Variants in PSMG2 observed in about 807,000 individuals in gnomAD.
PSMG2 encodes proteasome assembly chaperone 2, also known as CD40 ligand-activated specific transcript 3.
A neutral mutation model predicts 31.5 loss-of-function variants in PSMG2; 21 were observed. That is an observed-to-expected ratio of 0.67 (90% CI 0.47 to 0.96). The LOEUF is 0.96. Ranked by LOEUF, PSMG2 falls within the 40% of genes least tolerant of loss-of-function variation. The probability of loss-of-function intolerance (pLI) is 0.00; values close to 1 mark genes in which losing one functional copy is unlikely to be tolerated. For missense variants in PSMG2, 318 were observed against 321.2 expected (o/e 0.99, Z 0.08); for synonymous variants, 120 against 110.4 (o/e 1.09, Z -0.54).
At chr18:12,673,605 C>G in intron 1 of PSMG2, 2 of 921,320 alleles carry the variant, frequency 2.2e-6, no homozygotes, top group Non-Finnish European at 3.2e-6. Context: ...TCAGGCTAGG[C>G]GTGGTGGCTC....
rs755077259 is a variant in PSMG2 at position 12,724,683 on chromosome 18, A to G, written c.702+64A>G. 6 of 1,450,700 alleles carry G rather than the reference A, an allele frequency of 4.1e-6. No homozygotes were observed. The African/African-American group carries it at 5.8e-5, about 14-fold the overall frequency. The allele number at this position is 1,450,700 out of a possible 1,614,324, so 89.9% of individuals were successfully genotyped here. A position where few individuals can be genotyped will look rare whatever the true frequency, so the allele number is the denominator to read the frequency against. On this transcript the variant is annotated intron_variant, in intron 6 of 6. Transcript: ENST00000317615. ...TTGTATTCATTAACTCGCACTTTAT[A>G]TACTACCTAAGTAGACCAAGTAAGT...
At chr18:12,666,951 T>C (rs1374553350) in intron 1 of PSMG2, among the ~76,000 whole-genome samples, 1 of 152,080 alleles carries the variant, frequency 6.6e-6, no homozygotes, top group African/African-American at 2.4e-5. Flanking sequence ...AAATTAAAAA[T>C]TCCATATATT....
intron 1 of PSMG2, chr18:12,697,313 T>C: frequency 6.2e-7 from 1 of 1,613,990 alleles, no homozygotes; most frequent in East Asian, 2.2e-5. Flanking sequence ...GCTACTAAAG[T>C]CGTCTCACCA....
At chr18:12,721,283 G>A (rs1293093846) in intron 5 of PSMG2, among the ~76,000 whole-genome samples, 1 of 152,192 alleles carries the variant, frequency 6.6e-6, no homozygotes, top group Non-Finnish European at 1.5e-5. Context: ...TTTCTCAAAA[G>A]CCATATTTAA....
At chr18:12,712,847 C>A in intron 3 of PSMG2, 87 bp downstream of exon 3, 1 of 999,540 alleles carries the variant, frequency 1.0e-6, no homozygotes, top group Non-Finnish European at 1.6e-6. Flanking sequence ...AAAATTACTA[C>A]TGTTTTTACC....
upstream of PSMG2, chr18:12,700,954 T>A: frequency 6.2e-7 from 1 of 1,610,058 alleles, no homozygotes; most frequent in African/African-American, 1.3e-5. Context: ...AAAAGATTAC[T>A]CACAGTAACA....
upstream of PSMG2, among the ~76,000 whole-genome samples, chr18:12,701,944 C>T (rs1325740394): frequency 1.3e-5 from 2 of 152,046 alleles, no homozygotes; most frequent in Admixed American, 6.6e-5. Context: ...GCCACACCAA[C>T]ATGGTGAAAC....
chr18:12,696,605 T>C (rs2039966610), intron 1 of PSMG2, among the ~76,000 whole-genome samples: 1 of 152,208 alleles, frequency 6.6e-6, no homozygotes, highest in Non-Finnish European at 1.5e-5. Context: ...AATTCCATTA[T>C]ATGTTATAGA....
intron 6 of PSMG2, 86 bp downstream of exon 6, chr18:12,724,705 A>G: frequency 7.9e-7 from 1 of 1,266,074 alleles, no homozygotes; most frequent in East Asian, 2.8e-5. Context: ...TAGACCAAGT[A>G]AGTGAACGTT....
At chr18:12,695,871 CA>C (rs2039938065) in intron 1 of PSMG2, among the ~76,000 whole-genome samples, 1 of 151,966 alleles carries the variant, frequency 6.6e-6, no homozygotes, top group Non-Finnish European at 1.5e-5. Flanking sequence ...CACACACACA[CA>C]CACACACACA....
intron 1 of PSMG2, among the ~76,000 whole-genome samples, chr18:12,695,620 AGGTTGGTCT>A (rs2039928078): frequency 6.6e-6 from 1 of 151,986 alleles, no homozygotes; most frequent in African/African-American, 2.4e-5. Context: ...TATGTTATTC[AGGTTGGTCT>A]TAAACTCCAG....
exon 1 of PSMG2, chr18:12,658,740 G>A (rs1190323073): frequency 2.3e-5 from 9 of 399,634 alleles, no homozygotes; most frequent in Non-Finnish European, 4.2e-5. Context: ...TTTCTTGCTG[G>A]TTGAATACCT....
intron 1 of PSMG2, among the ~76,000 whole-genome samples, chr18:12,673,890 T>C (rs2039023125): frequency 6.6e-6 from 1 of 151,826 alleles, no homozygotes; most frequent in Non-Finnish European, 1.5e-5. Context: ...CAAAAATAAA[T>C]AAATAAAATA....
intron 1 of PSMG2, among the ~76,000 whole-genome samples, chr18:12,667,976 T>G (rs1338957911): frequency 6.7e-6 from 1 of 149,886 alleles, no homozygotes; most frequent in East Asian, 2.0e-4. Flanking sequence ...ACATTAAATG[T>G]GAATGGGGCT....
rs767633121 is a variant in PSMG2, at chr18:12,720,038, A to ATTTATTT, written c.408-458_408-452dup. Among the ~76,000 whole-genome samples, 4 of 149,928 alleles carry ATTTATTT rather than the reference A, an allele frequency of 2.7e-5. No homozygotes were observed. The East Asian group carries it at 8.0e-4, about 30-fold the overall frequency. On this transcript the variant is annotated intron_variant, in intron 4 of 6. Coordinates refer to ENST00000317615, the MANE Select transcript of PSMG2 (RefSeq NM_020232.5). ...GGCCCCAAGATGTAGCATTTAGATCATTTATTTTTTATTTTTTATTCTTTT... is the reference window on the plus strand; with the variant it reads ...GGCCCCAAGATGTAGCATTTAGATCATTTATTTTTTATTTTTTATTTTTTATTCTTTT...
rs548651226 is a variant in PSMG2, at chr18:12,669,562, T to C, written c.-37+10789T>C. Among the ~76,000 whole-genome samples, 15 of 152,280 alleles carry C rather than the reference T, an allele frequency of 9.9e-5. No homozygotes were observed. In the East Asian group the frequency reaches 1.9e-3, roughly 20 times the overall value. Reference sequence around the variant, plus strand: ...TTAACTAAATAGACATATATAAAACTACATATATATAATATAGAGGGGACT... The same window carrying C: ...TTAACTAAATAGACATATATAAAACCACATATATATAATATAGAGGGGACT... On this transcript the variant is annotated intron_variant, in intron 1 of 6. Transcript: ENST00000585331.
chr18:12,658,895 C>T (rs780475303), intron 1 of PSMG2: 3 of 275,060 alleles, frequency 1.1e-5, no homozygotes, highest in East Asian at 2.2e-4. Flanking sequence ...AGCGTCCTTC[C>T]GGATTCATTT....
At chr18:12,708,211 G>A (rs1422266180) in intron 2 of PSMG2, among the ~76,000 whole-genome samples, 1 of 152,116 alleles carries the variant, frequency 6.6e-6, no homozygotes, top group Non-Finnish European at 1.5e-5. Flanking sequence ...GGGAGGTTGT[G>A]GCTACAGTGA....
chr18:12,672,683 G>A (rs1342061283), intron 1 of PSMG2: 2 of 978,470 alleles, frequency 2.0e-6, no homozygotes, highest in African/African-American at 3.5e-5. Flanking sequence ...GTATAATAAA[G>A]TTTTTCTAAA....
Sources: allele counts gnomAD v4.1 joint callset (sites outside exome capture counted in the v4.1 genomes callset), GRCh38; gene constraint gnomAD v4.1.1; transcripts MANE v1.5; gene names NCBI Gene and HGNC (gene_info 2026-07-23, HGNC 2026-07-21).